SENP1: variants seen among roughly 807,000 people sequenced by gnomAD.
The protein encoded by SENP1 is SUMO specific peptidase 1, also known as sentrin-specific protease 1.
SENP1 carries 21 observed loss-of-function variants against 93.0 expected under a neutral mutation model. That is an observed-to-expected ratio of 0.23 (90% CI 0.16 to 0.33). The LOEUF (loss-of-function observed/expected upper bound fraction) is 0.33, where lower values mean the gene tolerates loss of function less well. Among genes scored for constraint, SENP1 ranks in the 10% least tolerant of loss-of-function variants. The probability of loss-of-function intolerance (pLI) is 1.00; values close to 1 mark genes in which losing one functional copy is unlikely to be tolerated. For synonymous variants in SENP1, 256 were observed against 259.6 expected, an observed-to-expected ratio of 0.99 and a Z score of 0.13; for missense variants, 591 against 758.7, an observed-to-expected ratio of 0.78 and a Z score of 2.60.
chr12:48,071,617 A>G, intron 9 of SENP1, 50 bp downstream of exon 9: 3 of 1,340,836 alleles, frequency 2.2e-6, no homozygotes, highest in Non-Finnish European at 3.2e-6. Flanking sequence ...CTCCGTCTCA[A>G]AAAGATATAT....
chr12:48,073,313 T>TC (rs1290078545), intron 8 of SENP1, among the ~76,000 whole-genome samples: 2 of 150,926 alleles, frequency 1.3e-5, no homozygotes, highest in Admixed American at 1.3e-4. Flanking sequence ...TCTCAGTACA[T>TC]CACCTCACAA....
chr12:48,076,391 A>G (rs1226474181), intron 6 of SENP1, among the ~76,000 whole-genome samples: 1 of 151,996 alleles, frequency 6.6e-6, no homozygotes, highest in Non-Finnish European at 1.5e-5. Flanking sequence ...GGTGCGCCAT[A>G]TCGGCTCACT....
chr12:48,101,038 C>CA (rs1945894651), intron 2 of SENP1, among the ~76,000 whole-genome samples: 2 of 152,180 alleles, frequency 1.3e-5, no homozygotes, highest in Non-Finnish European at 2.9e-5. Flanking sequence ...GTAATCCCAG[C>CA]ACTTTGAGAG....
chr12:48,076,837 G>A (rs1367499341), intron 6 of SENP1, among the ~76,000 whole-genome samples: 1 of 151,642 alleles, frequency 6.6e-6, no homozygotes, highest in African/African-American at 2.4e-5. Context: ...AGTAGAGACG[G>A]GGTTTCACCA....
intron 15 of SENP1, 84 bp from the exon 16 acceptor site, chr12:48,047,146 A>G: frequency 2.4e-6 from 2 of 817,394 alleles, no homozygotes; most frequent in Non-Finnish European, 2.1e-6. Context: ...GACAATACCT[A>G]GGAACAAATT....
intron 13 of SENP1, among the ~76,000 whole-genome samples, chr12:48,059,941 G>A (rs1190815851): frequency 1.3e-5 from 2 of 152,102 alleles, no homozygotes; most frequent in Admixed American, 1.3e-4. Context: ...CTGGCTCTAA[G>A]ACTGCTGATT....
At chr12:48,079,088 G>A (rs575299972) in intron 6 of SENP1, among the ~76,000 whole-genome samples, 15 of 152,154 alleles carry the variant, frequency 9.9e-5, no homozygotes, top group South Asian at 8.3e-4. Context: ...AAGTTGAGGC[G>A]GCAGTGAGCT....
intron 9 of SENP1, among the ~76,000 whole-genome samples, 178 bp downstream of exon 9, chr12:48,071,489 G>A (rs530000598): frequency 2.0e-5 from 3 of 152,204 alleles, no homozygotes; most frequent in South Asian, 2.1e-4. Context: ...GGTGGCGGGC[G>A]CCTGTAATCC....
intron 6 of SENP1, among the ~76,000 whole-genome samples, chr12:48,082,504 T>A (rs2137125095): frequency 6.6e-6 from 1 of 152,304 alleles, no homozygotes; most frequent in South Asian, 2.1e-4. Flanking sequence ...CTCTACCTAT[T>A]TTGCTGAGTT....
chr12:48,091,297 A>C (rs1026455711), intron 4 of SENP1, among the ~76,000 whole-genome samples: 2 of 152,112 alleles, frequency 1.3e-5, no homozygotes, highest in Non-Finnish European at 2.9e-5. Context: ...AAAAATACAA[A>C]AAATTAGCCA....
In SENP1 at chr12:48,077,596, G is replaced by A. The variant is rs544993134; in HGVS notation, c.553-2803C>T. ...ATATAACGGGTTCACTTTTTTTTTC[G>A]TCATACTTTAAGTTCTAGGGTACAT... is the stretch of plus-strand genomic sequence containing the variant. On this transcript the variant is annotated intron_variant, in intron 6 of 17. Transcript: ENST00000549518. Among the ~76,000 whole-genome samples the A allele has an allele frequency of 4.7e-5, 7 of 149,694 alleles. No individual in the cohort carries two copies. The South Asian group carries it at 1.0e-3, about 22-fold the overall frequency.
chr12:48,101,328 C>G, intron 2 of SENP1, 141 bp downstream of exon 2: 3 of 686,542 alleles, frequency 4.4e-6, no homozygotes, highest in Non-Finnish European at 4.9e-6. Flanking sequence ...TATAGTATTA[C>G]ATAATTAGGA....
intron 13 of SENP1, chr12:48,055,365 AG>A (rs1942152711): frequency 6.5e-6 from 1 of 154,738 alleles, no homozygotes; most frequent in South Asian, 2.0e-4. Context: ...AACTGAGGTC[AG>A]AACTGTGCAG....
chr12:48,098,910 T>C (rs962718035), intron 2 of SENP1, among the ~76,000 whole-genome samples: 3 of 152,172 alleles, frequency 2.0e-5, no homozygotes, highest in African/African-American at 4.8e-5. Flanking sequence ...AAAAATCTCA[T>C]ATTGTCATTG....
At position 48,096,449 on chromosome 12, in the gene SENP1, T is replaced by C. The variant is rs755904659; in HGVS notation, c.136-22A>G. ...AAATCTAAACAAAGCAGAAGATTTT[T>C]CTTAAGTCACATTTTTTTTTTTTTT... is the stretch of plus-strand genomic sequence containing the variant. On this transcript the variant is annotated intron_variant, in intron 3 of 17. Coordinates refer to ENST00000549518, the MANE Select transcript of SENP1 (RefSeq NM_001267594.2). 4.6e-6 allele frequency: 7 copies of C among 1,535,322 alleles called. No homozygotes were observed. In the South Asian group the frequency reaches 4.8e-5, roughly 10 times the overall value.
intron 6 of SENP1, among the ~76,000 whole-genome samples, chr12:48,076,642 GC>G (rs74629067): frequency 0.17 from 24,611 of 144,654 alleles, 2,395 homozygotes; most frequent in East Asian, 0.29. Flanking sequence ...TGTAGTTTTT[GC>G]TTTTTTTTTT....
At chr12:48,100,727 T>C (rs564286216) in intron 2 of SENP1, among the ~76,000 whole-genome samples, 8 of 152,174 alleles carry the variant, frequency 5.3e-5, no homozygotes, top group East Asian at 1.9e-4. Context: ...CAGCCAGTTA[T>C]AGTACATGAC....
At chr12:48,102,543 G>T (rs1946021474) in intron 1 of SENP1, among the ~76,000 whole-genome samples, 2 of 151,592 alleles carry the variant, frequency 1.3e-5, no homozygotes, top group South Asian at 2.1e-4. Context: ...TCCAAGAGGA[G>T]GAGGCTACTA....
At chr12:48,046,769 T>C (rs1485170000) in intron 16 of SENP1, among the ~76,000 whole-genome samples, 1 of 152,064 alleles carries the variant, frequency 6.6e-6, no homozygotes, top group African/African-American at 2.4e-5. Flanking sequence ...GTAAAATATC[T>C]GGGCATTTAG....
Sources: gnomAD v4.1 joint callset for allele counts (sites outside exome capture counted in the v4.1 genomes callset) on GRCh38, gnomAD v4.1.1 for gene constraint, MANE v1.5 for transcripts, NCBI Gene and HGNC (gene_info 2026-07-23, HGNC 2026-07-21) for gene names.